LYST: variants seen among roughly 807,000 people sequenced by gnomAD.
LYST encodes the protein lysosomal trafficking regulator, also known as lysosomal-trafficking regulator.
LYST carries 192 observed loss-of-function variants against 413.6 expected under a neutral mutation model. That is an observed-to-expected ratio of 0.46 (90% CI 0.41 to 0.52). LYST has a LOEUF of 0.52. LYST is among the 20% of genes least tolerant of loss of function. The probability of loss-of-function intolerance (pLI) is 0.00; values close to 1 mark genes in which losing one functional copy is unlikely to be tolerated. For missense variants in LYST, 3,815 were observed against 4,499.9 expected (o/e 0.85, Z 4.35); for synonymous variants, 1,525 against 1,567.3 (o/e 0.97, Z 0.64).
chr1:235,734,396 G>T, intron 32 of LYST, 87 bp downstream of exon 32: 1 of 1,019,242 alleles, frequency 9.8e-7, no homozygotes, highest in Non-Finnish European at 1.6e-6. Flanking sequence ...CATCATCAAT[G>T]ATAGCCTGTT....
chr1:235,785,680 T>A (rs893158054), intron 14 of LYST, among the ~76,000 whole-genome samples: 2 of 152,184 alleles, frequency 1.3e-5, no homozygotes, highest in Non-Finnish European at 2.9e-5. Context: ...TGTTAAGTAG[T>A]CTCACCATGT....
At chr1:235,860,946 T>C (rs1679788932) in intron 1 of LYST, among the ~76,000 whole-genome samples, 1 of 152,200 alleles carries the variant, frequency 6.6e-6, no homozygotes, top group South Asian at 2.1e-4. Flanking sequence ...CAATGCAGTA[T>C]GTACTTTTTT....
intron 1 of LYST, among the ~76,000 whole-genome samples, chr1:235,881,378 T>C (rs116694525): frequency 1.1e-3 from 175 of 152,316 alleles, no homozygotes; most frequent in African/African-American, 3.7e-3. Flanking sequence ...ATAGCTACAT[T>C]ACCACATTGA....
chr1:235,742,070 G>A (rs1558176168), intron 30 of LYST, among the ~76,000 whole-genome samples: 1 of 152,160 alleles, frequency 6.6e-6, no homozygotes, highest in Non-Finnish European at 1.5e-5. Context: ...CAAACTCACA[G>A]AGACAGAAAG....
At chr1:235,730,803 T>C (rs775740023) in intron 36 of LYST, 44 bp downstream of exon 36, 2 of 1,111,018 alleles carry the variant, frequency 1.8e-6, no homozygotes, top group South Asian at 1.2e-5. Flanking sequence ...CAATAAGCTG[T>C]TGTATATTCA....
At chr1:235,819,081 G>A (rs939043107) in intron 3 of LYST, among the ~76,000 whole-genome samples, 1 of 152,186 alleles carries the variant, frequency 6.6e-6, no homozygotes, top group African/African-American at 2.4e-5. Context: ...GAATGAGAAT[G>A]AGGCAAGTGC....
At chr1:235,760,221 T>C (rs1667453522) in intron 22 of LYST, among the ~76,000 whole-genome samples, 1 of 152,160 alleles carries the variant, frequency 6.6e-6, no homozygotes, top group African/African-American at 2.4e-5. Flanking sequence ...CTACAGTTTC[T>C]ACAAATGTAA....
Position 235,809,751 on chromosome 1 carries a change from A to G in LYST, c.1067T>C (p.Leu356Ser). 1 of 1,614,074 alleles carries G rather than the reference A, an allele frequency of 6.2e-7. No homozygotes were observed. The highest frequency in any genetic ancestry group is 8.5e-7 in the Non-Finnish European group (1 of 1,179,994). ...TCTAATTTTTAAAGCTGCTCTAAGC[A>G]ATTCAGTTAAATTTTTCCTAAGATT... ...PENLRKNLTE[L>S]LRAALKIRIC... Residue 356 changes from leucine (L) to serine (S), a missense_variant, in exon 5 of 53, where the codon TTG (leucine) becomes TCG (serine). Physicochemically the swap from Leu to Ser is moderately radical, Grantham distance 145. Transcript: ENST00000389793. This position sits in a 1 kb window ranked among gnomAD's most constrained non-coding sequence, Gnocchi z 4.0.
chr1:235,871,277 C>T (rs1258006451), upstream of LYST, among the ~76,000 whole-genome samples: 3 of 152,078 alleles, frequency 2.0e-5, no homozygotes, highest in African/African-American at 7.2e-5. Flanking sequence ...ATTTGAAATC[C>T]CCAAAAGTAT....
At chr1:235,703,076 G>C in intron 44 of LYST, 99 bp from the exon 45 acceptor site, 2 of 895,318 alleles carry the variant, frequency 2.2e-6, no homozygotes. Flanking sequence ...TTATATTCTA[G>C]GTTATGGAAA....
intron 17 of LYST, among the ~76,000 whole-genome samples, chr1:235,775,677 A>G (rs1669164035): frequency 6.6e-6 from 1 of 152,122 alleles, no homozygotes; most frequent in Non-Finnish European, 1.5e-5. Context: ...AAGGCTACAC[A>G]GAGAGAAGAT....
chr1:235,735,851 T>C (rs1352258257), intron 31 of LYST: 2 of 152,144 alleles, frequency 1.3e-5, no homozygotes, highest in Non-Finnish European at 2.9e-5. Flanking sequence ...CAGAGACAGC[T>C]GCTACCTGAC....
chr1:235,697,383 C>A, intron 45 of LYST, 111 bp from the exon 46 acceptor site: 1 of 742,634 alleles, frequency 1.3e-6, no homozygotes, highest in South Asian at 1.8e-5. Flanking sequence ...ATTATAAGCT[C>A]TGTAAGGGCA....
chr1:235,735,559 T>C (rs1425364609), intron 31 of LYST: 1 of 152,150 alleles, frequency 6.6e-6, no homozygotes, highest in Non-Finnish European at 1.5e-5. Context: ...TTCTACTGTG[T>C]ACAGTATGTA....
At chr1:235,730,256 T>C (rs1424165800) in intron 36 of LYST, among the ~76,000 whole-genome samples, 1 of 151,952 alleles carries the variant, frequency 6.6e-6, no homozygotes, top group Non-Finnish European at 1.5e-5. Flanking sequence ...CTATCAATAG[T>C]TAATATATAA....
intron 48 of LYST, among the ~76,000 whole-genome samples, chr1:235,679,852 C>T (rs140665042): frequency 1.3e-5 from 2 of 152,172 alleles, no homozygotes; most frequent in East Asian, 1.9e-4. Context: ...ATTTCTTCCA[C>T]AGAGGCTGTC....
chr1:235,855,657 T>C (rs1679083455), intron 1 of LYST, among the ~76,000 whole-genome samples: 1 of 152,148 alleles, frequency 6.6e-6, no homozygotes, highest in East Asian at 1.9e-4. Flanking sequence ...TTTATGTAGC[T>C]GTACTATAAT....
chr1:235,687,786 G>A (rs914044406), intron 47 of LYST, among the ~76,000 whole-genome samples: 6 of 152,032 alleles, frequency 3.9e-5, no homozygotes, highest in African/African-American at 1.4e-4. Context: ...CCTCTCCTCT[G>A]CACCTCAACA....
At chr1:235,849,453 A>T (rs1052048832) in intron 1 of LYST, among the ~76,000 whole-genome samples, 6 of 152,070 alleles carry the variant, frequency 3.9e-5, no homozygotes, top group Non-Finnish European at 5.9e-5. Flanking sequence ...CTGAGAATTA[A>T]AACAAGACAA....
Sources: gnomAD v4.1 joint callset for allele counts (sites outside exome capture counted in the v4.1 genomes callset) on GRCh38, gnomAD v4.1.1 for gene constraint, Gnocchi (gnomAD v3.1) non-coding constraint, MANE v1.5 for transcripts, NCBI Gene and HGNC (gene_info 2026-07-23, HGNC 2026-07-21) for gene names.